The following MEGF10 variants were observed in gnomAD, a reference collection of about 807,000 sequenced individuals.
MEGF10 encodes the protein multiple epidermal growth factor-like domains protein 10.
Under a neutral mutation model 147.5 loss-of-function variants are expected in MEGF10, and 86 were observed. The observed-to-expected ratio is 0.58, with a 90% CI of 0.49 to 0.70. The LOEUF (loss-of-function observed/expected upper bound fraction) is 0.70. Ranked by LOEUF, MEGF10 falls within the 30% of genes least tolerant of loss-of-function variation. MEGF10 has a pLI of 0.00. For synonymous variants in MEGF10, 478 were observed against 525.5 expected, an observed-to-expected ratio of 0.91 and a Z score of 1.24; for missense variants, 1,329 against 1,487.3, an observed-to-expected ratio of 0.89 and a Z score of 1.75.
intron 5 of MEGF10, among the ~76,000 whole-genome samples, chr5:127,393,071 C>G (rs1763765512): frequency 6.6e-6 from 1 of 152,144 alleles, no homozygotes; most frequent in African/African-American, 2.4e-5. Flanking sequence ...TCCTTTACTT[C>G]TTTTTTAAAA....
chr5:127,443,605 A>C (rs1765837615), intron 19 of MEGF10, among the ~76,000 whole-genome samples: 1 of 152,108 alleles, frequency 6.6e-6, no homozygotes, highest in African/African-American at 2.4e-5. Context: ...ACCACCCCTT[A>C]AGCCCCAGGT....
In MEGF10 at chr5:127,325,912, T is replaced by A. The variant is rs1182540975; in HGVS notation, c.-18-5379T>A. On this transcript the variant is annotated intron_variant, in intron 1 of 24. Coordinates refer to ENST00000503335, the MANE Select transcript of MEGF10 (RefSeq NM_001256545.2). The stretch of plus-strand genomic sequence containing the variant: ...GTATATATATATATATATATATATT[T>A]TTTTTTTTTTAAGACAGGGACTTGC... Among the ~76,000 whole-genome samples, 309 of 140,146 alleles carry A rather than the reference T, an allele frequency of 2.2e-3. 1 individual carries two copies. The highest frequency in any genetic ancestry group is 6.0e-3 in the African/African-American group (227 of 38,040). 91.9% of individuals were successfully genotyped at this position (140,146 alleles called of 152,430 possible).
rs1402212980 is a variant in MEGF10, at chr5:127,451,389, CCTAA to C, written c.2980+2170_2980+2173del. 7.2e-5 allele frequency among the ~76,000 whole-genome samples: 11 copies of C among 152,136 alleles called. No individual in the cohort carries two copies. The East Asian group carries it at 2.1e-3, about 29-fold the overall frequency. On this transcript the variant is annotated intron_variant, in intron 22 of 24. Coordinates refer to ENST00000503335, the MANE Select transcript of MEGF10 (RefSeq NM_001256545.2). Reference sequence around the variant, plus strand: ...CGTTATCACGCTCGCTGTACAAATTCCTAACTTTTATCTGTATTCTATACCATTT... The same window carrying C: ...CGTTATCACGCTCGCTGTACAAATTCCTTTTATCTGTATTCTATACCATTT...
At chr5:127,266,113 G>A in the MEGF10 span, among the ~76,000 whole-genome samples, 1 of 151,778 alleles carries the variant, frequency 6.6e-6, no homozygotes, top group East Asian at 1.9e-4. Flanking sequence ...TGTAAGGAAG[G>A]GATCCAGTTT....
At chr5:127,334,422 G>A (rs940994242) in intron 2 of MEGF10, among the ~76,000 whole-genome samples, 3 of 152,116 alleles carry the variant, frequency 2.0e-5, no homozygotes, top group African/African-American at 4.8e-5. Flanking sequence ...TCCCAGGGAG[G>A]TTTGTCTGCA....
chr5:127,383,319 G>A (rs1405345784), intron 5 of MEGF10, among the ~76,000 whole-genome samples: 1 of 152,048 alleles, frequency 6.6e-6, no homozygotes, highest in African/African-American at 2.4e-5. Context: ...CATTATATTA[G>A]CAGATTTATC....
In MEGF10 at chr5:127,410,419, T is replaced by C. The variant is rs1046851135; in HGVS notation, c.948T>C (p.Tyr316=). ...AGGATGAGTGTCCTGTTGGGACCTA[T>C]GGCGTTCTCTGTGCTGAGACCTGCC... ...RCQDECPVGT[Y]GVLCAETCQC... Residue 316 remains tyrosine (Y), a synonymous_variant, in exon 9 of 25, where the codon TAT becomes TAC. Coordinates refer to ENST00000503335, the MANE Select transcript of MEGF10 (RefSeq NM_001256545.2). The C allele has an allele frequency of 1.2e-6, 2 of 1,614,266 alleles. No homozygotes were observed. The highest frequency in any genetic ancestry group is 1.7e-6 in the Non-Finnish European group (2 of 1,180,052).
the MEGF10 span, among the ~76,000 whole-genome samples, chr5:127,251,992 CA>C: frequency 1.3e-5 from 2 of 151,828 alleles, no homozygotes; most frequent in East Asian, 3.9e-4. Flanking sequence ...AAAAGAAATA[CA>C]AATGTTCAAT....
chr5:127,366,498 C>T (rs1205007048), intron 4 of MEGF10, among the ~76,000 whole-genome samples: 1 of 152,160 alleles, frequency 6.6e-6, no homozygotes, highest in African/African-American at 2.4e-5. Context: ...CATCAATGCT[C>T]AGAGGTGATT....
chr5:127,245,186 A>C, the MEGF10 span, among the ~76,000 whole-genome samples: 5 of 152,224 alleles, frequency 3.3e-5, no homozygotes, highest in African/African-American at 1.2e-4. Context: ...TGGAGGCATC[A>C]CACTACCTGT....
intron 1 of MEGF10, among the ~76,000 whole-genome samples, chr5:127,311,359 A>C (rs1760279788): frequency 1.3e-5 from 2 of 152,210 alleles, no homozygotes; most frequent in Admixed American, 1.3e-4. Flanking sequence ...TCTTCTTTAC[A>C]CTTGGCAGTT....
chr5:127,459,432 T>A lies in MEGF10; in HGVS notation c.*2114T>A, dbSNP rs77171194. The stretch of plus-strand genomic sequence containing the variant: ...AGGTGATAGGCATCTAATTGAGACA[T>A]GTGTGAGTCAATAGCCATCGGGGTC... On this transcript the variant is annotated 3_prime_UTR_variant, in exon 25 of 25. Transcript: ENST00000503335. 1 of 152,178 alleles carries A rather than the reference T, an allele frequency of 6.6e-6. No individual in the cohort carries two copies. Among genetic ancestry groups the A allele is most frequent in the South Asian group, 2.1e-4 (1 of 4,814 alleles). The allele number at this position is 152,178 out of a possible 1,614,324, so 9.4% of individuals were successfully genotyped here. A position where few individuals can be genotyped will look rare whatever the true frequency, so the allele number is the denominator to read the frequency against.
intron 1 of MEGF10, among the ~76,000 whole-genome samples, chr5:127,313,935 T>G (rs1233275308): frequency 6.6e-6 from 1 of 152,232 alleles, no homozygotes; most frequent in African/African-American, 2.4e-5. Flanking sequence ...ATACACCTCA[T>G]GTTTTACTTT....
chr5:127,367,192 G>A (rs553129205), intron 4 of MEGF10, among the ~76,000 whole-genome samples: 2 of 152,146 alleles, frequency 1.3e-5, no homozygotes, highest in South Asian at 2.1e-4. Context: ...AGAGAAAGAC[G>A]AGTGGTAAAA....
intron 1 of MEGF10, among the ~76,000 whole-genome samples, chr5:127,319,757 CT>C (rs1760719681): frequency 1.3e-5 from 2 of 152,192 alleles, no homozygotes; most frequent in African/African-American, 4.8e-5. Context: ...TACTGTTAAA[CT>C]TTTATAAGCA....
chr5:127,265,673 G>A, the MEGF10 span, among the ~76,000 whole-genome samples: 4 of 152,070 alleles, frequency 2.6e-5, no homozygotes, highest in Admixed American at 1.3e-4. Context: ...ATGGCCAGTG[G>A]TGATGAGCAT....
In MEGF10 at chr5:127,422,884, A is replaced by G. The variant is rs1048227332; in HGVS notation, c.1693+112A>G. ...CCAGTCAACTTTTCAAAAAAAATGA[A>G]AATTCGATAAGGTTTCCAGTAAACT... On this transcript the variant is annotated intron_variant, in intron 13 of 24. Transcript: ENST00000503335. 6 of 782,592 alleles carry G rather than the reference A, an allele frequency of 7.7e-6. No individual in the cohort carries two copies. The African/African-American group carries it at 1.0e-4, about 14-fold the overall frequency. The allele number at this position is 782,592 out of a possible 1,614,324, so 48.5% of individuals were successfully genotyped here.
intron 4 of MEGF10, among the ~76,000 whole-genome samples, chr5:127,341,827 A>C (rs1049282534): frequency 4.6e-5 from 7 of 152,170 alleles, no homozygotes; most frequent in Non-Finnish European, 1.0e-4. Flanking sequence ...TGTTTAATCA[A>C]TCTCAGCTGT....
chr5:127,377,147 G>C (rs965221494), intron 5 of MEGF10, among the ~76,000 whole-genome samples: 55 of 152,146 alleles, frequency 3.6e-4, no homozygotes, highest in African/African-American at 1.3e-3. Flanking sequence ...TTTCAATTCT[G>C]TGATTTTATG....
Sources: allele counts gnomAD v4.1 joint callset (sites outside exome capture counted in the v4.1 genomes callset), GRCh38; gene constraint gnomAD v4.1.1; transcripts MANE v1.5; gene names NCBI Gene and HGNC (gene_info 2026-07-23, HGNC 2026-07-21).